The following KTN1 variants were observed in gnomAD, a reference collection of about 807,000 sequenced individuals.
KTN1 encodes the protein kinectin 1.
A neutral mutation model predicts 222.5 loss-of-function variants in KTN1; 130 were observed. That is an observed-to-expected ratio of 0.58 (90% CI 0.51 to 0.68). KTN1 has a LOEUF of 0.68. Ranked by LOEUF, KTN1 falls within the 30% of genes least tolerant of loss-of-function variation. The pLI is 0.00. For missense variants in KTN1, 1,508 were observed against 1,500.4 expected (o/e 1.01, Z -0.08); for synonymous variants, 512 against 496.3 (o/e 1.03, Z -0.42).
Position 55,675,902 on chromosome 14 carries a change from C to G in KTN1, c.3839C>G (p.Ala1280Gly). 6.2e-7 allele frequency: 1 copy of G among 1,612,580 alleles called. No homozygotes were observed. Among genetic ancestry groups the G allele is most frequent in the Non-Finnish European group, 8.5e-7 (1 of 1,178,742 alleles). ...RTEQNERQKVAGDLHKAQQSL... is the reference protein window; with the variant it reads ...RTEQNERQKVGGDLHKAQQSL... ...GAACAAAATGAAAGACAGAAGGTAGCTGGTGATTTGCATAAGGTAGGCACT... is the reference window on the plus strand; with the variant it reads ...GAACAAAATGAAAGACAGAAGGTAGGTGGTGATTTGCATAAGGTAGGCACT... Residue 1280 changes from alanine (A) to glycine (G), a missense_variant, in exon 41 of 44, where the codon GCT (alanine) becomes GGT (glycine). Transcript: ENST00000395314.
At chr14:55,646,701 T>C (rs1041481398) in intron 18 of KTN1, among the ~76,000 whole-genome samples, 1 of 151,890 alleles carries the variant, frequency 6.6e-6, no homozygotes, top group African/African-American at 2.4e-5. Context: ...AAGGTTATCT[T>C]TTCTAGTGAT....
At chr14:55,653,901 A>C (rs919849906) in intron 28 of KTN1, among the ~76,000 whole-genome samples, 18 of 152,198 alleles carry the variant, frequency 1.2e-4, no homozygotes, top group Non-Finnish European at 1.0e-4. Flanking sequence ...TATTATAGAG[A>C]TTAAACTTAT....
At chr14:55,585,156 AT>A (rs1273494704) in intron 1 of KTN1, among the ~76,000 whole-genome samples, 38 of 148,980 alleles carry the variant, frequency 2.6e-4, no homozygotes, top group Non-Finnish European at 2.4e-4. Context: ...AAAAAAAAAA[AT>A]CTCACATTCC....
intron 43 of KTN1, chr14:55,679,983 T>C (rs968267584): frequency 3.1e-6 from 1 of 317,712 alleles, no homozygotes; most frequent in Non-Finnish European, 5.7e-6. Flanking sequence ...AACGGCTTCG[T>C]TAATTTATTC....
intron 4 of KTN1, 56 bp from the exon 5 acceptor site, chr14:55,619,126 A>G (rs568457312): frequency 7.4e-5 from 104 of 1,412,116 alleles, no homozygotes; most frequent in Non-Finnish European, 9.8e-5. Flanking sequence ...TGCTGAAGTT[A>G]TTATTTGTGT....
At chr14:55,615,630 A>T (rs2038241158) in intron 2 of KTN1, among the ~76,000 whole-genome samples, 1 of 152,144 alleles carries the variant, frequency 6.6e-6, no homozygotes, top group South Asian at 2.1e-4. Context: ...ACACTGGGGG[A>T]TCTGAGTTAA....
chr14:55,625,965 C>G (rs536437131), intron 5 of KTN1, among the ~76,000 whole-genome samples: 2 of 152,114 alleles, frequency 1.3e-5, no homozygotes, highest in African/African-American at 4.8e-5. Context: ...CTGACCTACT[C>G]TACACACATC....
chr14:55,625,571 A>G (rs1284802850), intron 5 of KTN1, among the ~76,000 whole-genome samples: 4 of 152,098 alleles, frequency 2.6e-5, no homozygotes, highest in Non-Finnish European at 4.4e-5. Flanking sequence ...TTTTAATTTT[A>G]TAGTTTAATG....
chr14:55,594,261 G>A (rs1417178836), intron 1 of KTN1, among the ~76,000 whole-genome samples: 1 of 152,072 alleles, frequency 6.6e-6, no homozygotes, highest in Admixed American at 6.5e-5. Flanking sequence ...TGTATCCTGA[G>A]TGCTCTAGTT....
intron 34 of KTN1, among the ~76,000 whole-genome samples, chr14:55,669,341 C>A (rs903796243): frequency 6.6e-6 from 1 of 151,954 alleles, no homozygotes; most frequent in Non-Finnish European, 1.5e-5. Context: ...TGTTCATATA[C>A]TTGTCAAAAG....
chr14:55,606,105 GAACATTATTTTTACAAATAACCTATA>G (rs2036689932), intron 1 of KTN1, among the ~76,000 whole-genome samples: 1 of 151,928 alleles, frequency 6.6e-6, no homozygotes, highest in Non-Finnish European at 1.5e-5. Flanking sequence ...TTTAACCTAT[GAACATTATTTTTACAAATAACCTATA>G]ATAATAGCTT....
intron 2 of KTN1, among the ~76,000 whole-genome samples, chr14:55,615,542 G>A (rs2038222464): frequency 6.6e-6 from 1 of 151,978 alleles, no homozygotes; most frequent in South Asian, 2.1e-4. Flanking sequence ...TTAAGAAAGG[G>A]GTAGAGACCA....
chr14:55,613,853 A>C (rs1032292044), intron 2 of KTN1, among the ~76,000 whole-genome samples: 4 of 152,182 alleles, frequency 2.6e-5, no homozygotes, highest in African/African-American at 9.6e-5. Context: ...GGAAAAGGAC[A>C]CGTAAGCCAG....
intron 1 of KTN1, among the ~76,000 whole-genome samples, chr14:55,604,774 G>A (rs2036497042): frequency 6.6e-6 from 1 of 151,962 alleles, no homozygotes; most frequent in African/African-American, 2.4e-5. Flanking sequence ...ATATTCATAG[G>A]TTTGATTTAA....
chr14:55,652,550 C>T (rs959716999), intron 25 of KTN1, among the ~76,000 whole-genome samples: 20 of 152,074 alleles, frequency 1.3e-4, no homozygotes, highest in Admixed American at 2.0e-4. Context: ...AGGCGCGTAC[C>T]ACCACGCCCG....
intron 5 of KTN1, among the ~76,000 whole-genome samples, chr14:55,623,612 C>A (rs1265574106): frequency 1.3e-5 from 2 of 152,234 alleles, no homozygotes; most frequent in Non-Finnish European, 2.9e-5. Context: ...CTCAATCAGT[C>A]GTCCTGCCTT....
At chr14:55,643,530 T>G (rs896709738) in intron 18 of KTN1, among the ~76,000 whole-genome samples, 1 of 152,210 alleles carries the variant, frequency 6.6e-6, no homozygotes, top group Non-Finnish European at 1.5e-5. Flanking sequence ...ATAACCAGTG[T>G]ATGAAGTTTT....
At chr14:55,640,310 A>T in intron 14 of KTN1, 64 bp from the exon 15 acceptor site, 1 of 1,123,744 alleles carries the variant, frequency 8.9e-7, no homozygotes, top group African/African-American at 1.6e-5. Flanking sequence ...TGTAGAAAAG[A>T]TGCTTTACAA....
At position 55,648,095 on chromosome 14, in the gene KTN1, A is replaced by G. The variant is rs1233315020; in HGVS notation, c.2278A>G (p.Thr760Ala). 6.4e-7 allele frequency: 1 copy of G among 1,559,908 alleles called. No individual in the cohort carries two copies. The highest frequency in any genetic ancestry group is 8.7e-7 in the Non-Finnish European group (1 of 1,148,086). Reference protein sequence around the residue: ...LLETGLIQVATKEEELNAIRT... With the variant: ...LLETGLIQVAAKEEELNAIRT... Reference sequence around the variant, plus strand: ...TGAAACTGGACTTATTCAGGTGGCAACTAAAGAAGAGGAGCTGAATGTAAA... The same window carrying G: ...TGAAACTGGACTTATTCAGGTGGCAGCTAAAGAAGAGGAGCTGAATGTAAA... Residue 760 changes from threonine to alanine, a missense_variant, in exon 20 of 44, where the codon ACT becomes GCT. Transcript: ENST00000395314.
Sources: allele counts gnomAD v4.1 joint callset (sites outside exome capture counted in the v4.1 genomes callset), GRCh38; gene constraint gnomAD v4.1.1; transcripts MANE v1.5; gene names NCBI Gene and HGNC (gene_info 2026-07-23, HGNC 2026-07-21).